RFX2: variants seen among roughly 807,000 people sequenced by gnomAD.
The protein encoded by RFX2 is regulatory factor X2.
In RFX2, 20 loss-of-function variants were observed where a neutral mutation model predicts 87.8. The ratio of observed to expected loss-of-function variants is 0.23; its 90% CI spans 0.16 to 0.33. The LOEUF is 0.33. Ranked by LOEUF, RFX2 falls within the 10% of genes least tolerant of loss-of-function variation. The pLI is 1.00. For synonymous variants in RFX2, 397 were observed against 431.3 expected (o/e 0.92, Z 0.98); for missense variants, 767 against 1,012.3 (o/e 0.76, Z 3.29).
intron 1 of RFX2, among the ~76,000 whole-genome samples, chr19:6,072,483 G>A (rs903965885): frequency 6.6e-6 from 1 of 152,280 alleles, no homozygotes; most frequent in African/African-American, 2.4e-5. Context: ...TGGGAGAATT[G>A]CCTGAGGCCA....
Position 6,044,420 on chromosome 19 carries a change from G to C in RFX2, c.91-138C>G. On this transcript the variant is annotated intron_variant, in intron 2 of 17. Transcript: ENST00000303657. This position sits in a 1 kb window ranked among gnomAD's most constrained non-coding sequence, Gnocchi z 5.3. ...GCAGGACTGATCAGAGGCGACGGCGGGGTGATGGTCAGACTTGCACACTCA... is the reference window on the plus strand; with the variant it reads ...GCAGGACTGATCAGAGGCGACGGCGCGGTGATGGTCAGACTTGCACACTCA... 2.0e-6 allele frequency: 1 copy of C among 509,494 alleles called. No individual in the cohort carries two copies. Among genetic ancestry groups the C allele is most frequent in the Non-Finnish European group, 3.3e-6 (1 of 305,562 alleles). The allele number at this position is 509,494 out of a possible 1,614,324, so 31.6% of individuals were successfully genotyped here.
intron 1 of RFX2, among the ~76,000 whole-genome samples, chr19:6,089,241 G>A (rs1599924166): frequency 6.6e-6 from 1 of 152,158 alleles, no homozygotes; most frequent in Non-Finnish European, 1.5e-5. Context: ...AAATAACCAC[G>A]CTAGAAATCT....
At chr19:6,108,541 T>C (rs1009108880) in intron 1 of RFX2, among the ~76,000 whole-genome samples, 18 of 152,172 alleles carry the variant, frequency 1.2e-4, no homozygotes, top group African/African-American at 4.3e-4. Flanking sequence ...GAACTCTTAG[T>C]TGAAACAGAG....
intron 2 of RFX2, among the ~76,000 whole-genome samples, chr19:6,046,558 C>T (rs964271133): frequency 2.0e-5 from 3 of 149,276 alleles, no homozygotes; most frequent in South Asian, 2.1e-4. Context: ...GACTCCGTCC[C>T]CCCCCAAAAA....
At chr19:6,065,406 G>A (rs2087494521) in intron 1 of RFX2, among the ~76,000 whole-genome samples, 1 of 152,158 alleles carries the variant, frequency 6.6e-6, no homozygotes, top group African/African-American at 2.4e-5. Flanking sequence ...CAGCACTTTG[G>A]GAGGCCGAGG....
At position 6,012,877 on chromosome 19, in the gene RFX2, G is replaced by T. The variant is rs1217939818; in HGVS notation, c.899+109C>A. The T allele has an allele frequency of 2.6e-6, 3 of 1,166,790 alleles. No homozygotes were observed. The highest frequency in any genetic ancestry group is 6.0e-5 in the Admixed American group (2 of 33,564). The allele number at this position is 1,166,790 out of a possible 1,614,324, so 72.3% of individuals were successfully genotyped here. On this transcript the variant is annotated intron_variant, in intron 8 of 17. Coordinates refer to ENST00000303657, the MANE Select transcript of RFX2 (RefSeq NM_000635.4). The surrounding 1 kb of genome is among the most constrained non-coding windows in gnomAD (Gnocchi z 4.6). ...GAGGGGGATACCTTGGCTTTCCCAGGATGCTGGAGACTGGGGAGTTATGAT... is the reference window on the plus strand; with the variant it reads ...GAGGGGGATACCTTGGCTTTCCCAGTATGCTGGAGACTGGGGAGTTATGAT...
At position 6,045,174 on chromosome 19, in the gene RFX2, G is replaced by C. The variant is rs752913306; in HGVS notation, c.91-892C>G. On this transcript the variant is annotated intron_variant, in intron 2 of 17. Coordinates refer to ENST00000303657, the MANE Select transcript of RFX2 (RefSeq NM_000635.4). This position sits in a 1 kb window ranked among gnomAD's most constrained non-coding sequence, Gnocchi z 5.2. Reference sequence around the variant, plus strand: ...AGGACACGCCATCCCCTGTGTTGCAGGAGTGGAGCTAAGGATGAAGATGGT... The same window carrying C: ...AGGACACGCCATCCCCTGTGTTGCACGAGTGGAGCTAAGGATGAAGATGGT... Among the ~76,000 whole-genome samples, 1 of 152,194 alleles carries C rather than the reference G, an allele frequency of 6.6e-6. No individual in the cohort carries two copies. Among genetic ancestry groups the C allele is most frequent in the Non-Finnish European group, 1.5e-5 (1 of 68,040 alleles).
rs2086894409 is a variant in RFX2, at chr19:6,026,791, G to C, written c.523-554C>G. ...GCCACCAGGAGGCCGTAGGATCCAGGGCCACTGGACACTGTCTGGCGAATG... is the reference window on the plus strand; with the variant it reads ...GCCACCAGGAGGCCGTAGGATCCAGCGCCACTGGACACTGTCTGGCGAATG... On this transcript the variant is annotated intron_variant, in intron 5 of 17. Coordinates refer to ENST00000303657, the MANE Select transcript of RFX2 (RefSeq NM_000635.4). This position sits in a 1 kb window ranked among gnomAD's most constrained non-coding sequence, Gnocchi z 4.5. 1 of 157,510 alleles carries C rather than the reference G, an allele frequency of 6.3e-6. No homozygotes were observed. Among genetic ancestry groups the C allele is most frequent in the African/African-American group, 2.4e-5 (1 of 41,466 alleles). 9.8% of individuals were successfully genotyped at this position (157,510 alleles called of 1,614,324 possible). A position where few individuals can be genotyped will look rare whatever the true frequency, so the allele number is the denominator to read the frequency against.
rs1160878210 is a variant in RFX2 at position 6,004,130 on chromosome 19, T to C, written c.1500+71A>G. The C allele has an allele frequency of 1.8e-6, 2 of 1,135,754 alleles. No individual in the cohort carries two copies. The highest frequency in any genetic ancestry group is 1.7e-5 in the Admixed American group (1 of 59,236). 70.4% of individuals were successfully genotyped at this position (1,135,754 alleles called of 1,614,324 possible). A position where few individuals can be genotyped will look rare whatever the true frequency, so the allele number is the denominator to read the frequency against. ...GCCAGCGCTCTCTGGGACACAGTGG[T>C]CCTCATGCTGTCCTGGACTGGAGCC... is the stretch of plus-strand genomic sequence containing the variant. On this transcript the variant is annotated intron_variant, in intron 13 of 17. Coordinates refer to ENST00000303657, the MANE Select transcript of RFX2 (RefSeq NM_000635.4). The surrounding 1 kb of genome is among the most constrained non-coding windows in gnomAD (Gnocchi z 4.8).
At chr19:6,037,601 A>G (rs963285034) in intron 5 of RFX2, among the ~76,000 whole-genome samples, 2 of 152,236 alleles carry the variant, frequency 1.3e-5, no homozygotes, top group African/African-American at 2.4e-5. Flanking sequence ...ATTCTCCCCA[A>G]GTTGGTTCAG....
At chr19:6,071,478 G>C (rs1244637856) in intron 1 of RFX2, among the ~76,000 whole-genome samples, 1 of 152,086 alleles carries the variant, frequency 6.6e-6, no homozygotes, top group Non-Finnish European at 1.5e-5. Flanking sequence ...CAAGACCCAG[G>C]GATCTCTGAA....
chr19:6,003,141 C>T (rs1442696635), intron 13 of RFX2, among the ~76,000 whole-genome samples: 7 of 152,218 alleles, frequency 4.6e-5, no homozygotes. Context: ...ATGCCCACTT[C>T]TAGAGTCCCT....
intron 1 of RFX2, among the ~76,000 whole-genome samples, chr19:6,075,442 G>A (rs564628236): frequency 4.6e-4 from 70 of 152,306 alleles, no homozygotes; most frequent in Middle Eastern, 3.4e-3. Context: ...GGAAGCAAAC[G>A]TCAGGGCTGG....
chr19:6,034,354 G>A (rs551484934), intron 5 of RFX2, among the ~76,000 whole-genome samples: 6 of 150,960 alleles, frequency 4.0e-5, no homozygotes, highest in Middle Eastern at 3.4e-3. Context: ...TCAGCCTCCC[G>A]ATGAGCTGGG....
At chr19:6,108,404 G>T (rs768094581) in intron 1 of RFX2, among the ~76,000 whole-genome samples, 1 of 152,140 alleles carries the variant, frequency 6.6e-6, no homozygotes, top group East Asian at 1.9e-4. Context: ...CTTTCCATAA[G>T]CAAACAATGT....
chr19:6,043,678 T>C (rs2087144994), intron 3 of RFX2, among the ~76,000 whole-genome samples: 1 of 152,168 alleles, frequency 6.6e-6, no homozygotes, highest in Admixed American at 6.5e-5. Flanking sequence ...CCCAAAAATG[T>C]ATAATTTGGC....
At chr19:6,106,869 CA>C (rs2088225149) in intron 1 of RFX2, among the ~76,000 whole-genome samples, 1 of 146,788 alleles carries the variant, frequency 6.8e-6, no homozygotes, top group Non-Finnish European at 1.5e-5. Context: ...TTTAATATTT[CA>C]ATATATATTT....
chr19:5,995,278 G>T (rs530039184), intron 17 of RFX2, among the ~76,000 whole-genome samples: 1 of 152,284 alleles, frequency 6.6e-6, no homozygotes, highest in Admixed American at 6.5e-5. Flanking sequence ...GGGCCCGGGG[G>T]TCCCTCTGGC....
chr19:5,996,913 G>T, intron 16 of RFX2, 147 bp downstream of exon 16: 1 of 824,834 alleles, frequency 1.2e-6, no homozygotes, highest in Non-Finnish European at 1.8e-6. Context: ...CCGTTTCTGT[G>T]GCTTGTTCTT....
Sources: allele counts gnomAD v4.1 joint callset (sites outside exome capture counted in the v4.1 genomes callset), GRCh38; gene constraint gnomAD v4.1.1; non-coding constraint Gnocchi (gnomAD v3.1); transcripts MANE v1.5; gene names NCBI Gene and HGNC (gene_info 2026-07-23, HGNC 2026-07-21).